The following ZNF441 variants were observed in gnomAD, a reference collection of about 807,000 sequenced individuals.
The protein encoded by ZNF441 is zinc finger protein 441.
A neutral mutation model predicts 64.5 loss-of-function variants in ZNF441; 25 were observed. The ratio of observed to expected loss-of-function variants is 0.39; its 90% CI spans 0.28 to 0.54. The LOEUF (loss-of-function observed/expected upper bound fraction) is 0.54, where lower values mean the gene tolerates loss of function less well. Among genes scored for constraint, ZNF441 ranks in the 20% least tolerant of loss-of-function variants. The probability of loss-of-function intolerance (pLI) is 0.70; values close to 1 mark genes in which losing one functional copy is unlikely to be tolerated. For synonymous variants in ZNF441, 262 were observed against 268.0 expected (o/e 0.98, Z 0.22); for missense variants, 715 against 843.3 (o/e 0.85, Z 1.88).
At chr19:11,769,014 T>A (rs1466444033) in intron 1 of ZNF441, among the ~76,000 whole-genome samples, 2 of 152,118 alleles carry the variant, frequency 1.3e-5, no homozygotes, top group Non-Finnish European at 2.9e-5. Flanking sequence ...ATGGGGGATG[T>A]TCCAGGTGAT....
chr19:11,773,222 T>G (rs670240), intron 1 of ZNF441, among the ~76,000 whole-genome samples: 73,710 of 152,042 alleles, frequency 0.48, 19,204 homozygotes, highest in African/African-American at 0.7. Flanking sequence ...GTTGAGAGGC[T>G]TGTCACTTAA....
In ZNF441 at chr19:11,781,055, A is replaced by G. The variant is rs1379827350; in HGVS notation, c.1231A>G (p.Thr411Ala). 6.2e-7 allele frequency: 1 copy of G among 1,614,152 alleles called. No homozygotes were observed. Among genetic ancestry groups the G allele is most frequent in the East Asian group, 2.2e-5 (1 of 44,886 alleles). ...SDFYYFRNHE[T>A]THTGEKPYKC... ...TTTCTATTACTTTCGAAATCATGAA[A>G]CTACTCACACTGGAGAGAAGCCATA... is the stretch of plus-strand genomic sequence containing the variant. The change falls in exon 4 of 4, where the codon ACT becomes GCT. Residue 411 changes from threonine (T) to alanine (A), a missense_variant. Thr to Ala is a moderately conservative substitution (Grantham distance 58). This residue lies in a region of ZNF441 where 316 missense variants were observed against 429.3 expected (regional missense o/e 0.74). Transcript: ENST00000357901.
rs1457703515 is a variant in ZNF441, at chr19:11,780,682, G to C, written c.858G>C (p.Gly286=). The change falls in exon 4 of 4, where the codon GGG becomes GGC. Residue 286 remains glycine, a synonymous_variant. Transcript: ENST00000357901. ...GEQSYECKQC[G]KAFYHLGSFQ... is the part of the protein sequence containing the mutation. Reference sequence around the variant, plus strand: ...AATCCTATGAATGTAAGCAATGTGGGAAAGCATTTTATCATCTTGGAAGCT... The same window carrying C: ...AATCCTATGAATGTAAGCAATGTGGCAAAGCATTTTATCATCTTGGAAGCT... 6.2e-6 allele frequency: 10 copies of C among 1,613,600 alleles called. No homozygotes were observed. In the Admixed American group the frequency reaches 1.2e-4, roughly 19 times the overall value.
intron 1 of ZNF441, among the ~76,000 whole-genome samples, chr19:11,772,174 T>C (rs1293247659): frequency 1.5e-5 from 2 of 131,886 alleles, no homozygotes; most frequent in Non-Finnish European, 3.2e-5. Flanking sequence ...TTACCTATCA[T>C]TGGAGATGAC....
intron 1 of ZNF441, among the ~76,000 whole-genome samples, chr19:11,768,545 G>T (rs186903639): frequency 7.2e-5 from 11 of 152,264 alleles, no homozygotes; most frequent in Non-Finnish European, 1.2e-4. Context: ...TGGTTTCCTG[G>T]TCCTGGGTTT....
chr19:11,774,597 A>T (rs1167223354), intron 1 of ZNF441, among the ~76,000 whole-genome samples: 4 of 152,182 alleles, frequency 2.6e-5, no homozygotes, highest in African/African-American at 9.7e-5. Context: ...CAGTTGCATA[A>T]ATTAAATATG....
rs1254961212 is a variant in ZNF441 at position 11,780,101 on chromosome 19, G to A, written c.277G>A (p.Val93Met). 2 of 1,614,028 alleles carry A rather than the reference G, an allele frequency of 1.2e-6. No homozygotes were observed. Among genetic ancestry groups the A allele is most frequent in the Admixed American group, 1.7e-5 (1 of 60,014 alleles). Residue 93 changes from valine to methionine, a missense_variant, in exon 4 of 4, where the codon GTG (valine) becomes ATG (methionine). This residue lies in a region of ZNF441 where 399 missense variants were observed against 413.9 expected (regional missense o/e 0.96). Transcript: ENST00000357901. ...CTTTACCCAGACTCAAGACAGTATT[G>A]TGAACGAGAAAATACCTGGAGTAGA... Reference protein sequence around the residue: ...GPFTQTQDSIVNEKIPGVDPW... With the variant: ...GPFTQTQDSIMNEKIPGVDPW...
At chr19:11,774,028 A>C (rs1258858363) in intron 1 of ZNF441, among the ~76,000 whole-genome samples, 1 of 151,786 alleles carries the variant, frequency 6.6e-6, no homozygotes, top group Non-Finnish European at 1.5e-5. Flanking sequence ...TTTCATTTTG[A>C]CTGAGCATGT....
At chr19:11,768,117 G>A (rs1280162305) in intron 1 of ZNF441, among the ~76,000 whole-genome samples, 1 of 152,116 alleles carries the variant, frequency 6.6e-6, no homozygotes, top group Non-Finnish European at 1.5e-5. Context: ...GGGCAGCAGG[G>A]TCTCAAGTCC....
chr19:11,781,559 A>G lies in ZNF441; in HGVS notation c.1735A>G (p.Ile579Val). ...TCTCTCAAGCTTTCGAAGACACATG[A>G]TAACACATACTGGAAATGGACCTCA... ...SDLSSFRRHMITHTGNGPHKC... is the reference protein window; with the variant it reads ...SDLSSFRRHMVTHTGNGPHKC... The change falls in exon 4 of 4, where the codon ATA (isoleucine) becomes GTA (valine). Residue 579 changes from isoleucine to valine, a missense_variant. Transcript: ENST00000357901. 1 of 1,614,132 alleles carries G rather than the reference A, an allele frequency of 6.2e-7. No homozygotes were observed. The highest frequency in any genetic ancestry group is 8.5e-7 in the Non-Finnish European group (1 of 1,179,998).
At chr19:11,768,962 C>T (rs777133508) in intron 1 of ZNF441, among the ~76,000 whole-genome samples, 25 of 152,154 alleles carry the variant, frequency 1.6e-4, no homozygotes, top group Non-Finnish European at 2.8e-4. Context: ...GTAGTGTCTC[C>T]TGGGATCATG....
chr19:11,775,907 C>G (rs542133689), intron 1 of ZNF441, among the ~76,000 whole-genome samples: 1 of 152,130 alleles, frequency 6.6e-6, no homozygotes, highest in Non-Finnish European at 1.5e-5. Context: ...GGATTACAAA[C>G]GTGAGCCACC....
chr19:11,782,859 A>T lies in ZNF441; in HGVS notation c.*953A>T, dbSNP rs368501106. 1 of 152,222 alleles carries T rather than the reference A, an allele frequency of 6.6e-6. No individual in the cohort carries two copies. The highest frequency in any genetic ancestry group is 1.9e-4 in the East Asian group (1 of 5,206). 9.4% of individuals were successfully genotyped at this position (152,222 alleles called of 1,614,324 possible). On this transcript the variant is annotated 3_prime_UTR_variant, in exon 4 of 4. Transcript: ENST00000357901. ...ATCTGTAAAACTACTAGAAGAAAACATATTGAAAATACTTCAGGACATTGG... is the reference window on the plus strand; with the variant it reads ...ATCTGTAAAACTACTAGAAGAAAACTTATTGAAAATACTTCAGGACATTGG...
rs1975274634 is a variant in ZNF441, at chr19:11,767,002, C to T, written c.-192C>T. The T allele has an allele frequency of 6.5e-6, 5 of 773,586 alleles. No individual in the cohort carries two copies. The highest frequency in any genetic ancestry group is 1.0e-5 in the Non-Finnish European group (5 of 483,726). 47.9% of individuals were successfully genotyped at this position (773,586 alleles called of 1,614,324 possible). A position where few individuals can be genotyped will look rare whatever the true frequency, so the allele number is the denominator to read the frequency against. On this transcript the variant is annotated 5_prime_UTR_variant, in exon 1 of 4. Transcript: ENST00000357901. This position sits in a 1 kb window ranked among gnomAD's most constrained non-coding sequence, Gnocchi z 5.1. ...CGCGGGGCGGGGTCGTGAGAACTGT[C>T]AATCAGGCGCACTGACCGGAGGAGG...
At chr19:11,776,683 A>G (rs1202690789) in intron 1 of ZNF441, among the ~76,000 whole-genome samples, 1 of 152,182 alleles carries the variant, frequency 6.6e-6, no homozygotes. Context: ...ACTTAACTAC[A>G]TATGTTCTAC....
chr19:11,779,481 C>A (rs909109319), intron 3 of ZNF441, among the ~76,000 whole-genome samples: 2 of 151,782 alleles, frequency 1.3e-5, no homozygotes, highest in Non-Finnish European at 2.9e-5. Context: ...ATAAAAAATA[C>A]AAAAATCTAA....
At chr19:11,768,106 T>G (rs1975285237) in intron 1 of ZNF441, among the ~76,000 whole-genome samples, 1 of 152,148 alleles carries the variant, frequency 6.6e-6, no homozygotes, top group African/African-American at 2.4e-5. Flanking sequence ...TCCAAAGATG[T>G]GGGCAGCAGG....
At position 11,782,129 on chromosome 19, in the gene ZNF441, A is replaced by T; in HGVS notation, c.*223A>T. 1 of 402,446 alleles carries T rather than the reference A, an allele frequency of 2.5e-6. No homozygotes were observed. Among genetic ancestry groups the T allele is most frequent in the Non-Finnish European group, 4.4e-6 (1 of 226,774 alleles). The allele number at this position is 402,446 out of a possible 1,614,324, so 24.9% of individuals were successfully genotyped here. ...TGAAAAAACTTTCTTTGTCTAGCAA[A>T]CTTTCAAAGGTGGTTATTATAACAT... On this transcript the variant is annotated 3_prime_UTR_variant, in exon 4 of 4. Coordinates refer to ENST00000357901, the MANE Select transcript of ZNF441 (RefSeq NM_152355.3).
At position 11,781,851 on chromosome 19, in the gene ZNF441, G is replaced by A. The variant is rs776163922; in HGVS notation, c.2027G>A (p.Cys676Tyr). ...GAGAAACCCTATAAGTGTAAAGAAT[G>A]TGGGGAAGCATTTCATTGTATCAGT... Reference protein sequence around the residue: ...SMEKPYKCKECGEAFHCISSF... With the variant: ...SMEKPYKCKEYGEAFHCISSF... Residue 676 changes from cysteine to tyrosine, a missense_variant, in exon 4 of 4, where the codon TGT becomes TAT. Transcript: ENST00000357901. 3 of 1,609,084 alleles carry A rather than the reference G, an allele frequency of 1.9e-6. No homozygotes were observed. The highest frequency in any genetic ancestry group is 2.7e-5 in the African/African-American group (2 of 74,676).
Sources: allele counts gnomAD v4.1 joint callset (sites outside exome capture counted in the v4.1 genomes callset), GRCh38; gene constraint gnomAD v4.1.1; regional missense constraint gnomAD v4.1.1; non-coding constraint Gnocchi (gnomAD v3.1); transcripts MANE v1.5; gene names NCBI Gene and HGNC (gene_info 2026-07-23, HGNC 2026-07-21).